LVRN: variants seen among roughly 807,000 people sequenced by gnomAD.
LVRN encodes laeverin.
In LVRN, 99 loss-of-function variants were observed where a neutral mutation model predicts 111.4. That is an observed-to-expected ratio of 0.89 (90% CI 0.76 to 1.05). LVRN has a LOEUF of 1.05. Ranked by LOEUF, LVRN falls within the 50% of genes least tolerant of loss-of-function variation. The pLI, the probability that LVRN is intolerant of heterozygous loss-of-function variation, is 0.00. For synonymous variants in LVRN, 488 were observed against 449.5 expected, an observed-to-expected ratio of 1.09 and a Z score of -1.08; for missense variants, 1,414 against 1,206.8, an observed-to-expected ratio of 1.17 and a Z score of -2.54.
Position 116,010,822 on chromosome 5 carries a change from A to T in LVRN, c.2175A>T (p.Thr725=). 5.6e-6 allele frequency: 9 copies of T among 1,612,452 alleles called. No homozygotes were observed. The highest frequency in any genetic ancestry group is 7.6e-6 in the Non-Finnish European group (9 of 1,179,146). The change falls in exon 14 of 20, where the codon ACA becomes ACT. Residue 725 remains threonine (T), a synonymous_variant. Coordinates refer to ENST00000357872, the MANE Select transcript of LVRN (RefSeq NM_173800.5). ...AAGATGAAATTATAGTATGGCATAC[A>T]GTCTTGGTAAACTTGGTAACCAGGG... ...AEEDEIIVWH[T]VLVNLVTRDL...
In LVRN at chr5:116,026,177, T is replaced by A; in HGVS notation, c.*59T>A. On this transcript the variant is annotated 3_prime_UTR_variant, in exon 20 of 20. Transcript: ENST00000357872. ...TTATAATGTAGTTTGTTCACAGTTTTGTCTTCCAATACTTTGTGAGTCTGG... is the reference window on the plus strand; with the variant it reads ...TTATAATGTAGTTTGTTCACAGTTTAGTCTTCCAATACTTTGTGAGTCTGG... 1 of 1,604,882 alleles carries A rather than the reference T, an allele frequency of 6.2e-7. No individual in the cohort carries two copies. Among genetic ancestry groups the A allele is most frequent in the Non-Finnish European group, 8.5e-7 (1 of 1,175,054 alleles).
chr5:115,992,087 A>T, intron 4 of LVRN, 36 bp from the exon 5 acceptor site: 1 of 1,546,988 alleles, frequency 6.5e-7, no homozygotes. Context: ...TTTGGAAAAG[A>T]TTATTTTATT....
At chr5:115,964,457 T>C (rs1753160169) in intron 1 of LVRN, among the ~76,000 whole-genome samples, 1 of 152,208 alleles carries the variant, frequency 6.6e-6, no homozygotes. Context: ...AATACATCAA[T>C]GCTTGAAAAA....
Position 116,022,591 on chromosome 5 carries a change from G to A in LVRN, c.2832+125G>A, listed in dbSNP as rs989798337. The stretch of plus-strand genomic sequence containing the variant: ...TATTACATTCTATGCTTCTATTGGT[G>A]CTGTATCACTGTGAAAGAAGTGTTT... On this transcript the variant is annotated intron_variant, in intron 19 of 19. Coordinates refer to ENST00000357872, the MANE Select transcript of LVRN (RefSeq NM_173800.5). 9.0e-6 allele frequency: 6 copies of A among 667,452 alleles called. No homozygotes were observed. The Admixed American group carries it at 1.8e-4, about 20-fold the overall frequency. 41.3% of individuals were successfully genotyped at this position (667,452 alleles called of 1,614,324 possible). A position where few individuals can be genotyped will look rare whatever the true frequency, so the allele number is the denominator to read the frequency against.
chr5:116,001,482 G>A (rs1748239508), intron 10 of LVRN, among the ~76,000 whole-genome samples: 1 of 152,178 alleles, frequency 6.6e-6, no homozygotes, highest in South Asian at 2.1e-4. Context: ...CCAAGCTGTG[G>A]GCTATTGTGT....
rs767100762 is a variant in LVRN at position 115,984,708 on chromosome 5, A to T, written c.977A>T (p.Glu326Val). Residue 326 changes from glutamate to valine, a missense_variant and splice_region_variant, in exon 3 of 20, where the codon GAG becomes GTG. By Grantham distance (121) the Glu-to-Val change is moderately radical. Transcript: ENST00000357872. ...DHVNRTERGK[E>V]IRIWARKDAI... ...GTCAACAGAACAGAAAGGGGCAAGGAGGTGAGTGAGGAAGATTCTGTAGGT... is the reference window on the plus strand; with the variant it reads ...GTCAACAGAACAGAAAGGGGCAAGGTGGTGAGTGAGGAAGATTCTGTAGGT... The T allele has an allele frequency of 3.7e-6, 6 of 1,613,424 alleles. No homozygotes were observed. The highest frequency in any genetic ancestry group is 5.1e-6 in the Non-Finnish European group (6 of 1,179,634).
intron 1 of LVRN, among the ~76,000 whole-genome samples, chr5:115,971,631 T>C (rs575909617): frequency 1.4e-4 from 21 of 152,234 alleles, no homozygotes; most frequent in Non-Finnish European, 2.5e-4. Flanking sequence ...TTCATATATA[T>C]ATGTGGGTAT....
chr5:115,971,215 A>G (rs528750336), intron 1 of LVRN, among the ~76,000 whole-genome samples: 179 of 152,236 alleles, frequency 1.2e-3, no homozygotes, highest in African/African-American at 4.1e-3. Flanking sequence ...TTGTTTTCCT[A>G]TTGTTGAATT....
rs920310135 is a variant in LVRN at position 116,026,911 on chromosome 5, G to A, written c.*793G>A. On this transcript the variant is annotated 3_prime_UTR_variant, in exon 20 of 20. Transcript: ENST00000357872. ...GGACACCCTTTCAGCCTAAGCGTAC[G>A]AGTGAAAACAATGATGTCAAAAGAC... 9.2e-5 allele frequency: 14 copies of A among 152,312 alleles called. No homozygotes were observed. The highest frequency in any genetic ancestry group is 1.9e-4 in the African/African-American group (8 of 41,578). 9.4% of individuals were successfully genotyped at this position (152,312 alleles called of 1,614,324 possible). A position where few individuals can be genotyped will look rare whatever the true frequency, so the allele number is the denominator to read the frequency against.
In LVRN at chr5:115,962,966, C is replaced by T; in HGVS notation, c.349C>T (p.Pro117Ser). Residue 117 changes from proline to serine, a missense_variant, in exon 1 of 20, where the codon CCC becomes TCC. Coordinates refer to ENST00000357872, the MANE Select transcript of LVRN (RefSeq NM_173800.5). ...YDLELWPQLRPDELPAGSLPF... is the reference protein window; with the variant it reads ...YDLELWPQLRSDELPAGSLPF... ...TCTGGAGCTGTGGCCGCAGCTGAGGCCCGACGAGCTTCCGGCCGGGTCTTT... is the reference window on the plus strand; with the variant it reads ...TCTGGAGCTGTGGCCGCAGCTGAGGTCCGACGAGCTTCCGGCCGGGTCTTT... 6.2e-7 allele frequency: 1 copy of T among 1,613,300 alleles called. No homozygotes were observed. Among genetic ancestry groups the T allele is most frequent in the East Asian group, 2.2e-5 (1 of 44,858 alleles).
chr5:116,022,455 C>T lies in LVRN; in HGVS notation c.2821C>T (p.Gln941Ter), dbSNP rs1233507931. Reference sequence around the variant, plus strand: ...AGGGAGAACCGTAACTACAGATTTACAGATTGTGGAGGTAAGTACTTTAAA... The same window carrying T: ...AGGGAGAACCGTAACTACAGATTTATAGATTGTGGAGGTAAGTACTTTAAA... Reference protein sequence around the residue: ...TIGRTVTTDLQIVELQQFFSN... With the variant: ...TIGRTVTTDL Residue 941 changes from glutamine to a stop codon, truncating the protein, a stop_gained, in exon 19 of 20, where the codon CAG becomes TAG. Transcript: ENST00000357872. LOFTEE classifies it high-confidence loss of function. 1.3e-6 allele frequency: 2 copies of T among 1,551,632 alleles called. No homozygotes were observed. The highest frequency in any genetic ancestry group is 1.8e-6 in the Non-Finnish European group (2 of 1,139,844).
At position 116,003,330 on chromosome 5, in the gene LVRN, G is replaced by A. The variant is rs759229863; in HGVS notation, c.1987G>A (p.Asp663Asn). 7.2e-6 allele frequency: 11 copies of A among 1,526,852 alleles called. No individual in the cohort carries two copies. Among genetic ancestry groups the A allele is most frequent in the Non-Finnish European group, 8.9e-6 (10 of 1,123,296 alleles). 94.6% of individuals were successfully genotyped at this position (1,526,852 alleles called of 1,614,324 possible). ...NMTGYYRVNY[D>N]KLGWKKLNQQ... ...GACTGGATATTATAGAGTTAATTAT[G>A]ATAAATTAGGTTGGAAGAAACTAAA... Residue 663 changes from aspartate (D) to asparagine (N), a missense_variant, in exon 12 of 20, where the codon GAT (aspartate) becomes AAT (asparagine). Physicochemically the swap from Asp to Asn is conservative, Grantham distance 23. Transcript: ENST00000357872.
At chr5:116,006,050 ATTAT>A in intron 13 of LVRN, 83 bp downstream of exon 13, 1 of 1,180,660 alleles carries the variant, frequency 8.5e-7, no homozygotes, top group South Asian at 1.3e-5. Context: ...TATGAATTTG[ATTAT>A]TTAGTCTATA....
chr5:116,003,510 G>T (rs934043444), intron 12 of LVRN, 130 bp downstream of exon 12: 8 of 487,394 alleles, frequency 1.6e-5, no homozygotes, highest in Admixed American at 9.0e-5. Context: ...GCATGCAAAA[G>T]ATTTTTTTTT....
intron 2 of LVRN, among the ~76,000 whole-genome samples, chr5:115,984,215 G>A (rs1035445169): frequency 1.3e-5 from 2 of 152,134 alleles, no homozygotes; most frequent in African/African-American, 4.8e-5. Flanking sequence ...TTGACCTACC[G>A]TGGGGCCTAG....
chr5:115,977,533 G>A (rs111951656), intron 1 of LVRN, among the ~76,000 whole-genome samples: 3,225 of 152,274 alleles, frequency 0.021, 117 homozygotes, highest in African/African-American at 0.073. Context: ...GCAAACAGAA[G>A]TCTCATTATC....
At position 115,962,489 on chromosome 5, in the gene LVRN, C is replaced by G. The variant is rs1428306496; in HGVS notation, c.-129C>G. ...TGCTGAGCTCCAGTCCGTCCAGGCT[C>G]TTCCAGGAGGAAGAGGCACGATACA... On this transcript the variant is annotated 5_prime_UTR_variant, in exon 1 of 20. Transcript: ENST00000357872. The G allele has an allele frequency of 2.4e-6, 2 of 848,092 alleles. No homozygotes were observed. Among genetic ancestry groups the G allele is most frequent in the East Asian group, 2.6e-5 (1 of 38,074 alleles). The allele number at this position is 848,092 out of a possible 1,614,324, so 52.5% of individuals were successfully genotyped here. A position where few individuals can be genotyped will look rare whatever the true frequency, so the allele number is the denominator to read the frequency against.
In LVRN at chr5:115,999,899, C is replaced by T; in HGVS notation, c.1512C>T (p.Ser504=). 6.2e-7 allele frequency: 1 copy of T among 1,607,550 alleles called. No homozygotes were observed. Reference sequence around the variant, plus strand: ...AACTCTTTGACATATTTACTTACAGCAAGGTAAAAGCAGTTAGAAATTTCC... The same window carrying T: ...AACTCTTTGACATATTTACTTACAGTAAGGTAAAAGCAGTTAGAAATTTCC... The part of the protein sequence containing the change: ...IQELFDIFTY[S]KGASMARMLS... The change falls in exon 7 of 20, where the codon AGC becomes AGT. Residue 504 remains serine (S), a synonymous_variant. Transcript: ENST00000357872.
chr5:116,014,378 G>T, intron 15 of LVRN, 42 bp from the exon 16 acceptor site: 1 of 1,367,658 alleles, frequency 7.3e-7, no homozygotes, highest in South Asian at 1.2e-5. Context: ...AATGAAGGTG[G>T]TAATGCAAAA....
Sources: allele counts gnomAD v4.1 joint callset (sites outside exome capture counted in the v4.1 genomes callset), GRCh38; gene constraint gnomAD v4.1.1; transcripts MANE v1.5; gene names NCBI Gene and HGNC (gene_info 2026-07-23, HGNC 2026-07-21).